COL2A1: variants seen among roughly 807,000 people sequenced by gnomAD.
COL2A1 encodes collagen alpha-1(II) chain.
A neutral mutation model predicts 204.5 loss-of-function variants in COL2A1; 28 were observed. That is an observed-to-expected ratio of 0.14 (90% CI 0.10 to 0.19). The LOEUF is 0.19. Among genes scored for constraint, COL2A1 ranks in the 10% least tolerant of loss-of-function variants. The pLI is 1.00. For synonymous variants in COL2A1, 708 were observed against 718.7 expected, an observed-to-expected ratio of 0.99 and a Z score of 0.24; for missense variants, 1,388 against 2,027.5, an observed-to-expected ratio of 0.68 and a Z score of 6.06.
chr12:47,998,419 G>T lies in COL2A1; in HGVS notation c.305C>A (p.Pro102Gln). The change falls in exon 3 of 54, where the codon CCA (proline) becomes CAA (glutamine). Residue 102 changes from proline to glutamine, a missense_variant. This residue lies in a region of COL2A1 where 201 missense variants were observed against 242.4 expected (regional missense o/e 0.83). Coordinates refer to ENST00000380518, the MANE Select transcript of COL2A1 (RefSeq NM_001844.5). ...GAAAAAGAAGAAAGCCCTTACCTTT[G>T]GTCCTGGTTGCCCTGCAAGGGAAAA... ...DLATASGQPG[P>Q]KGQKGEPGDI... 1 of 1,608,760 alleles carries T rather than the reference G, an allele frequency of 6.2e-7. No homozygotes were observed. Among genetic ancestry groups the T allele is most frequent in the South Asian group, 1.1e-5 (1 of 90,358 alleles).
chr12:47,995,279 AC>A lies in COL2A1; in HGVS notation c.737del (p.Gly246ValfsTer62). 1 of 1,613,484 alleles carries A rather than the reference AC, an allele frequency of 6.2e-7. No individual in the cohort carries two copies. The highest frequency in any genetic ancestry group is 8.5e-7 in the Non-Finnish European group (1 of 1,179,404). On this transcript the variant is annotated frameshift_variant, in exon 11 of 54. Coordinates refer to ENST00000380518, the MANE Select transcript of COL2A1 (RefSeq NM_001844.5). LOFTEE classifies it high-confidence loss of function. ...SGPMGPRGPP[G>X]PPGKPGDDGE... ...CATCATCACCAGGCTTTCCAGGGGG[AC>A]CAGGAGGACCACGGGGACCCATGGG...
At chr12:47,990,825 A>G (rs748008851) in intron 16 of COL2A1, among the ~76,000 whole-genome samples, 28 of 152,210 alleles carry the variant, frequency 1.8e-4, no homozygotes, top group Non-Finnish European at 3.7e-4. Context: ...CTTAAGGCCC[A>G]GGGAACTCTT....
Position 48,004,410 on chromosome 12 carries a change from C to G in COL2A1, c.-89G>C, listed in dbSNP as rs1300066956. On this transcript the variant is annotated 5_prime_UTR_variant, in exon 1 of 54. Coordinates refer to ENST00000380518, the MANE Select transcript of COL2A1 (RefSeq NM_001844.5). ...GCGCGGGTCCGGGTCTCTACCGCGC[C>G]CTCATGCAGGAGGCCCTTGGAGCAG... The G allele has an allele frequency of 2.7e-6, 2 of 741,656 alleles. No individual in the cohort carries two copies. The highest frequency in any genetic ancestry group is 4.6e-6 in the Non-Finnish European group (2 of 438,394). 45.9% of individuals were successfully genotyped at this position (741,656 alleles called of 1,614,324 possible).
rs754118463 is a variant in COL2A1 at position 47,974,775 on chromosome 12, T to C, written c.3974A>G (p.Tyr1325Cys). The C allele has an allele frequency of 1.2e-6, 2 of 1,614,160 alleles. No individual in the cohort carries two copies. The highest frequency in any genetic ancestry group is 1.7e-6 in the Non-Finnish European group (2 of 1,180,026). The change falls in exon 52 of 54, where the codon TAC becomes TGC. Residue 1325 changes from tyrosine to cysteine, a missense_variant. Tyr to Cys is a radical substitution (Grantham distance 194, BLOSUM62 -2). This residue lies in a region of COL2A1 where 303 missense variants were observed against 369.2 expected (regional missense o/e 0.82). Transcript: ENST00000380518. ...CNMETGETCVYPNPANVPKKN... is the reference protein window; with the variant it reads ...CNMETGETCVCPNPANVPKKN... ...CTTGGGAACGTTTGCTGGATTGGGG[T>C]AGACGCAAGTCTCGCCAGTCTCCAT...
chr12:47,998,234 A>T, intron 3 of COL2A1, 33 bp from the exon 4 acceptor site: 1 of 1,614,066 alleles, frequency 6.2e-7, no homozygotes, highest in Non-Finnish European at 8.5e-7. Context: ...GATTAAGCCG[A>T]GTAAGCCCAC....
At chr12:47,986,547 C>T (rs946464884) in intron 22 of COL2A1, 104 bp from the exon 23 acceptor site, 6 of 667,216 alleles carry the variant, frequency 9.0e-6, no homozygotes, top group Non-Finnish European at 1.6e-5. Context: ...TGTTTCAGGG[C>T]TGGGGGGGGG....
intron 41 of COL2A1, 119 bp downstream of exon 41, chr12:47,979,391 AG>A (rs1166586155): frequency 2.3e-5 from 23 of 1,022,036 alleles, no homozygotes; most frequent in Non-Finnish European, 3.4e-5. Context: ...CTACTCCTCC[AG>A]GGGGCAGGAA....
chr12:48,002,063 C>G (rs1940260076), intron 1 of COL2A1, among the ~76,000 whole-genome samples: 1 of 152,126 alleles, frequency 6.6e-6, no homozygotes, highest in Admixed American at 6.5e-5. Flanking sequence ...TGGACCTCGT[C>G]TCTCATGAAT....
intron 1 of COL2A1, chr12:48,001,218 A>T (rs1258754294): frequency 2.0e-5 from 3 of 151,918 alleles, no homozygotes; most frequent in African/African-American, 7.3e-5. Context: ...CAATAGCAGC[A>T]GCAGGGGATG....
At position 47,986,335 on chromosome 12, in the gene COL2A1, C is replaced by A; in HGVS notation, c.1527+1G>T. On this transcript the variant is annotated splice_donor_variant, in intron 23 of 53. Transcript: ENST00000380518. LOFTEE classifies it high-confidence loss of function. ...GGATGGAGCCTCCACATTCACTTAA[C>A]TCTTTCTCCAGGGGGACCGATGGGC... The A allele has an allele frequency of 6.4e-7, 1 of 1,551,638 alleles. No homozygotes were observed. The highest frequency in any genetic ancestry group is 1.4e-5 in the African/African-American group (1 of 73,408).
In COL2A1 at chr12:47,978,327, A is replaced by G. The variant is rs1408210322; in HGVS notation, c.2967T>C (p.Arg989=). The G allele has an allele frequency of 6.2e-7, 1 of 1,613,936 alleles. No individual in the cohort carries two copies. Among genetic ancestry groups the G allele is most frequent in the Admixed American group, 1.7e-5 (1 of 60,004 alleles). ...QRGIVGLPGQ[R]GERGFPGLPG... ...GCAAGCCAGGGAATCCTCTCTCACC[A>G]CGTTGCCCAGGCAGACCGACGATGC... is the stretch of plus-strand genomic sequence containing the variant. The change falls in exon 43 of 54, where the codon CGT becomes CGC. Residue 989 remains arginine (R), a synonymous_variant. Transcript: ENST00000380518. This position sits in a 1 kb window ranked among gnomAD's most constrained non-coding sequence, Gnocchi z 5.5.
intron 28 of COL2A1, 140 bp downstream of exon 28, chr12:47,984,406 G>A: frequency 1.1e-6 from 1 of 924,154 alleles, no homozygotes; most frequent in Non-Finnish European, 1.7e-6. Flanking sequence ...AAAGGGCCCA[G>A]CCAGCATGGG....
In COL2A1 at chr12:47,987,067, T is replaced by C. The variant is rs775684151; in HGVS notation, c.1365+11A>G. 6.2e-7 allele frequency: 1 copy of C among 1,613,320 alleles called. No individual in the cohort carries two copies. Among genetic ancestry groups the C allele is most frequent in the East Asian group, 2.2e-5 (1 of 44,870 alleles). ...TGTCAGTGGAACTTGGGGGTCACTTTGGGCTCTTACCGTCTGACCTTTCGG... is the reference window on the plus strand; with the variant it reads ...TGTCAGTGGAACTTGGGGGTCACTTCGGGCTCTTACCGTCTGACCTTTCGG... On this transcript the variant is annotated intron_variant, in intron 21 of 53. Transcript: ENST00000380518. The surrounding 1 kb of genome is among the most constrained non-coding windows in gnomAD (Gnocchi z 4.1).
Position 47,997,719 on chromosome 12 carries a change from G to A in COL2A1, c.430-12C>T, listed in dbSNP as rs1019662074. The A allele has an allele frequency of 2.5e-6, 4 of 1,614,026 alleles. No homozygotes were observed. In the African/African-American group the frequency reaches 5.3e-5, roughly 22 times the overall value. On this transcript the variant is annotated splice_polypyrimidine_tract_variant and intron_variant, in intron 6 of 53. Transcript: ENST00000380518. The stretch of plus-strand genomic sequence containing the variant: ...GGTCCAGGGGCACCCTTGGCATAAA[G>A]AGAAAAAGGCATCAATGGGAAGCAG...
At chr12:47,983,863 G>T in intron 29 of COL2A1, 127 bp from the exon 30 acceptor site, 2 of 1,044,588 alleles carry the variant, frequency 1.9e-6, no homozygotes, top group Non-Finnish European at 2.9e-6. Flanking sequence ...CTCAGACAGT[G>T]CATGCATGCC....
At position 47,986,908 on chromosome 12, in the gene COL2A1, C is replaced by T; in HGVS notation, c.1366-20G>A. 2 of 1,614,054 alleles carry T rather than the reference C, an allele frequency of 1.2e-6. No homozygotes were observed. The highest frequency in any genetic ancestry group is 1.7e-6 in the Non-Finnish European group (2 of 1,179,938). ...TTCACCCTTGAAAAGAGAGGCAGGT[C>T]CTCACACCAGATTCTCTCCAGGGAG... On this transcript the variant is annotated intron_variant, in intron 21 of 53. Transcript: ENST00000380518.
intron 30 of COL2A1, 116 bp from the exon 31 acceptor site, chr12:47,983,554 G>T (rs1939211521): frequency 3.5e-6 from 5 of 1,427,502 alleles, no homozygotes; most frequent in East Asian, 2.4e-5. Context: ...ACAGCCAGGG[G>T]TGCAGGGAAG....
At chr12:48,000,174 G>T in intron 1 of COL2A1, 49 bp from the exon 2 acceptor site, 1 of 1,330,040 alleles carries the variant, frequency 7.5e-7, no homozygotes, top group Non-Finnish European at 1.1e-6. Flanking sequence ...GGAAGGAGGG[G>T]GTGGGGAGCC....
intron 12 of COL2A1, 44 bp downstream of exon 12, chr12:47,994,380 A>G (rs772288505): frequency 6.2e-7 from 1 of 1,609,636 alleles, no homozygotes; most frequent in Non-Finnish European, 8.5e-7. Context: ...ACAGGGAGGG[A>G]GACGCTAGGA....
Sources: allele counts gnomAD v4.1 joint callset (sites outside exome capture counted in the v4.1 genomes callset), GRCh38; gene constraint gnomAD v4.1.1; regional missense constraint gnomAD v4.1.1; non-coding constraint Gnocchi (gnomAD v3.1); transcripts MANE v1.5; gene names NCBI Gene and HGNC (gene_info 2026-07-23, HGNC 2026-07-21).